Variants in ANO3 observed in about 807,000 individuals in gnomAD.
ANO3 encodes anoctamin 3.
Under a neutral mutation model 144.8 loss-of-function variants are expected in ANO3, and 99 were observed. The ratio of observed to expected loss-of-function variants is 0.68; its 90% CI spans 0.58 to 0.81. The LOEUF (loss-of-function observed/expected upper bound fraction) is 0.81. Ranked by LOEUF, ANO3 falls within the 30% of genes least tolerant of loss-of-function variation. ANO3 has a pLI of 0.00. For synonymous variants in ANO3, 414 were observed against 392.6 expected (o/e 1.05, Z -0.64); for missense variants, 905 against 1,202.2 (o/e 0.75, Z 3.66).
intron 1 of ANO3, among the ~76,000 whole-genome samples, chr11:26,214,260 T>C (rs1040346298): frequency 2.0e-5 from 3 of 151,920 alleles, no homozygotes; most frequent in Non-Finnish European, 4.4e-5. Flanking sequence ...TAAAATAATT[T>C]TTTTTTTCTG....
At chr11:26,456,141 T>A (rs1228561710) in intron 3 of ANO3, among the ~76,000 whole-genome samples, 2 of 152,112 alleles carry the variant, frequency 1.3e-5, no homozygotes, top group Admixed American at 1.3e-4. Flanking sequence ...ACCTAGGCAT[T>A]ACCATTCAGG....
intron 4 of ANO3, among the ~76,000 whole-genome samples, chr11:26,486,728 A>G (rs1860467446): frequency 6.6e-6 from 1 of 152,208 alleles, no homozygotes; most frequent in Non-Finnish European, 1.5e-5. Flanking sequence ...TGAAAAAGCC[A>G]TCTTAAAGGA....
intron 1 of ANO3, among the ~76,000 whole-genome samples, chr11:26,320,191 A>C (rs1854725078): frequency 6.6e-6 from 1 of 152,200 alleles, no homozygotes; most frequent in Non-Finnish European, 1.5e-5. Flanking sequence ...GGGAAGAACA[A>C]GTTCTAACTA....
chr11:26,505,249 A>T (rs964158312), intron 4 of ANO3, among the ~76,000 whole-genome samples: 67 of 152,154 alleles, frequency 4.4e-4, no homozygotes, highest in African/African-American at 1.6e-3. Context: ...GACGATTCAA[A>T]ATGTTTGGTG....
At chr11:26,515,018 T>A (rs1425752818) in intron 5 of ANO3, among the ~76,000 whole-genome samples, 1 of 152,012 alleles carries the variant, frequency 6.6e-6, no homozygotes, top group Non-Finnish European at 1.5e-5. Flanking sequence ...ATAGTCACTT[T>A]AAAAAAATTA....
At chr11:26,273,357 G>C (rs2133837965) in intron 1 of ANO3, among the ~76,000 whole-genome samples, 1 of 151,800 alleles carries the variant, frequency 6.6e-6, no homozygotes, top group South Asian at 2.1e-4. Flanking sequence ...TCTGGATCAG[G>C]GGATCATAAG....
In ANO3 at chr11:26,237,775, A is replaced by T. The variant is rs571801396; in HGVS notation, c.154+48445A>T. Among the ~76,000 whole-genome samples, 15 of 152,238 alleles carry T rather than the reference A, an allele frequency of 9.9e-5. No homozygotes were observed. In the South Asian group the frequency reaches 2.9e-3, roughly 29 times the overall value. On this transcript the variant is annotated intron_variant, in intron 1 of 27. Transcript: ENST00000672621. Reference sequence around the variant, plus strand: ...AAGTTATATATGCCAAATTGTATGTATCAAAATTTAGGTACCAGTCCCTAT... The same window carrying T: ...AAGTTATATATGCCAAATTGTATGTTTCAAAATTTAGGTACCAGTCCCTAT...
intron 14 of ANO3, among the ~76,000 whole-genome samples, chr11:26,578,408 G>A (rs971383961): frequency 2.4e-4 from 37 of 152,208 alleles, no homozygotes; most frequent in African/African-American, 8.9e-4. Context: ...ACTTGAGTGT[G>A]CTACATGGAA....
chr11:26,280,543 C>G (rs548902543), intron 1 of ANO3, among the ~76,000 whole-genome samples: 1 of 152,166 alleles, frequency 6.6e-6, no homozygotes, highest in Admixed American at 6.5e-5. Flanking sequence ...CTAGTCTTCT[C>G]ACGTTCTTCT....
chr11:26,653,651 C>T (rs932196486), intron 24 of ANO3, among the ~76,000 whole-genome samples: 1 of 151,880 alleles, frequency 6.6e-6, no homozygotes, highest in African/African-American at 2.4e-5. Context: ...TTTCCACCAC[C>T]ACCGCCCTCT....
intron 2 of ANO3, among the ~76,000 whole-genome samples, chr11:26,442,421 C>T (rs914616110): frequency 3.3e-5 from 5 of 152,080 alleles, no homozygotes; most frequent in African/African-American, 9.7e-5. Flanking sequence ...ACATTCCTGG[C>T]GAGAACTTAT....
intron 1 of ANO3, among the ~76,000 whole-genome samples, chr11:26,213,022 G>A (rs868037739): frequency 6.6e-6 from 1 of 151,916 alleles, no homozygotes; most frequent in African/African-American, 2.4e-5. Flanking sequence ...CAGAACCAAC[G>A]ACAAAAACCA....
intron 1 of ANO3, among the ~76,000 whole-genome samples, chr11:26,214,367 T>C (rs879731289): frequency 1.3e-5 from 2 of 151,962 alleles, no homozygotes; most frequent in Non-Finnish European, 2.9e-5. Context: ...GCATTATCTG[T>C]TTTCCAATGG....
intron 13 of ANO3, among the ~76,000 whole-genome samples, chr11:26,558,304 C>A (rs757565965): frequency 5.9e-5 from 9 of 152,068 alleles, no homozygotes; most frequent in Admixed American, 2.0e-4. Context: ...ACCTTTAAAT[C>A]CCCATGTGTA....
intron 5 of ANO3, among the ~76,000 whole-genome samples, chr11:26,516,057 G>A (rs941989349): frequency 5.3e-5 from 8 of 151,934 alleles, no homozygotes; most frequent in Middle Eastern, 6.8e-3. Context: ...GCTAAGTATC[G>A]TGATGATTCT....
intron 6 of ANO3, among the ~76,000 whole-genome samples, chr11:26,525,220 G>A (rs1472328214): frequency 6.6e-6 from 1 of 152,006 alleles, no homozygotes; most frequent in Admixed American, 6.6e-5. Flanking sequence ...TAGCAAATCA[G>A]AAGTATTTAT....
At chr11:26,365,714 T>G (rs1405827130) in intron 1 of ANO3, among the ~76,000 whole-genome samples, 1 of 152,130 alleles carries the variant, frequency 6.6e-6, no homozygotes, top group African/African-American at 2.4e-5. Context: ...TGAGTAGCAG[T>G]GTCCCAAGGC....
chr11:26,363,447 CTCTTG>C (rs760001731), intron 1 of ANO3, among the ~76,000 whole-genome samples: 6 of 152,080 alleles, frequency 3.9e-5, no homozygotes, highest in African/African-American at 9.7e-5. Context: ...GTGCAGATGC[CTCTTG>C]TCTTGTCATG....
intron 14 of ANO3, among the ~76,000 whole-genome samples, chr11:26,588,562 C>T (rs1851354274): frequency 6.6e-6 from 1 of 152,090 alleles, no homozygotes; most frequent in Non-Finnish European, 1.5e-5. Context: ...TCAAGATTAC[C>T]TTTATTTTTT....
Sources: allele counts gnomAD v4.1 joint callset (sites outside exome capture counted in the v4.1 genomes callset), GRCh38; gene constraint gnomAD v4.1.1; transcripts MANE v1.5; gene names NCBI Gene and HGNC (gene_info 2026-07-23, HGNC 2026-07-21).